The following TRIO variants were observed in gnomAD, a reference collection of about 807,000 sequenced individuals.
TRIO encodes trio Rho guanine nucleotide exchange factor, also known as triple functional domain protein.
A neutral mutation model predicts 351.9 loss-of-function variants in TRIO; 58 were observed. The ratio of observed to expected loss-of-function variants is 0.16; its 90% CI spans 0.13 to 0.21. The LOEUF (loss-of-function observed/expected upper bound fraction) is 0.21. TRIO is among the 10% of genes least tolerant of loss of function. TRIO has a pLI of 1.00. For missense variants in TRIO, 3,201 were observed against 4,027.8 expected, an observed-to-expected ratio of 0.79 and a Z score of 5.56; for synonymous variants, 1,758 against 1,595.7, an observed-to-expected ratio of 1.10 and a Z score of -2.42.
intron 32 of TRIO, 84 bp downstream of exon 32, chr5:14,406,074 T>C (rs972248782): frequency 7.4e-5 from 113 of 1,533,610 alleles, no homozygotes; most frequent in Non-Finnish European, 9.8e-5. Context: ...TCAAAAATCC[T>C]TTCTCTCAAA....
chr5:14,407,342 G>A lies in TRIO; in HGVS notation c.4959+670G>A, dbSNP rs74880279. 2.8e-4 allele frequency among the ~76,000 whole-genome samples: 43 copies of A among 152,270 alleles called. No homozygotes were observed. In the East Asian group the frequency reaches 7.7e-3, roughly 27 times the overall value. On this transcript the variant is annotated intron_variant, in intron 33 of 56. Transcript: ENST00000344204. ...CCACATGAGGTGCGAGTGTCAGCAG[G>A]GCCAGTTAAGCAGGTCTTATATGGC...
At chr5:14,481,200 C>T (rs1238618529) in intron 43 of TRIO, 34 bp from the exon 44 acceptor site, 1 of 1,591,504 alleles carries the variant, frequency 6.3e-7, no homozygotes, top group Non-Finnish European at 8.5e-7. Context: ...TTGTCTTTGT[C>T]ACCATTATCA....
At chr5:14,378,825 G>C (rs1266736656) in intron 20 of TRIO, among the ~76,000 whole-genome samples, 1 of 152,102 alleles carries the variant, frequency 6.6e-6, no homozygotes, top group Non-Finnish European at 1.5e-5. Flanking sequence ...CTCCCAAAGT[G>C]CTGGGATTAC....
intron 34 of TRIO, among the ~76,000 whole-genome samples, chr5:14,437,697 C>CCA (rs1554078781): frequency 1.5e-4 from 22 of 147,980 alleles, no homozygotes; most frequent in African/African-American, 5.7e-4. Flanking sequence ...CCCCCCCCGC[C>CCA]CCAAGGACCT....
chr5:14,278,351 G>A (rs191403236), intron 2 of TRIO, among the ~76,000 whole-genome samples: 1 of 152,334 alleles, frequency 6.6e-6, no homozygotes, highest in Admixed American at 6.5e-5. Flanking sequence ...CCGTGGTGGA[G>A]CATGCCTTGC....
intron 1 of TRIO, among the ~76,000 whole-genome samples, chr5:14,200,565 G>A (rs1217631260): frequency 2.6e-5 from 4 of 152,156 alleles, no homozygotes; most frequent in African/African-American, 9.7e-5. Flanking sequence ...TAAATGGATC[G>A]GGTTTAGCAT....
intron 1 of TRIO, among the ~76,000 whole-genome samples, chr5:14,178,158 G>A (rs16903259): frequency 1.3e-5 from 2 of 151,978 alleles, no homozygotes; most frequent in East Asian, 1.9e-4. Context: ...GATTCCATTC[G>A]GCCTTTATTA....
chr5:14,460,724 A>G (rs1349650156), intron 34 of TRIO, among the ~76,000 whole-genome samples: 1 of 152,224 alleles, frequency 6.6e-6, no homozygotes, highest in Non-Finnish European at 1.5e-5. Context: ...GATGAATGAC[A>G]TCTTAAATCT....
chr5:14,437,683 A>ACCCCCCCCCCCCCCC (rs976372019), intron 34 of TRIO, among the ~76,000 whole-genome samples: 3 of 108,334 alleles, frequency 2.8e-5, no homozygotes, highest in Admixed American at 2.0e-4. Flanking sequence ...TTGGATGAGG[A>ACCCCCCCCCCCCCCC]CCACCCCCCC....
At chr5:14,379,803 G>T (rs1745904238) in intron 20 of TRIO, among the ~76,000 whole-genome samples, 1 of 152,224 alleles carries the variant, frequency 6.6e-6, no homozygotes, top group African/African-American at 2.4e-5. Context: ...ATAAAATCCT[G>T]AAGTGCGTGC....
At chr5:14,343,341 T>C (rs896488687) in intron 11 of TRIO, among the ~76,000 whole-genome samples, 9 of 152,240 alleles carry the variant, frequency 5.9e-5, no homozygotes, top group African/African-American at 1.9e-4. Context: ...ACTTTCAAGA[T>C]ACAGAACCAT....
At chr5:14,367,883 A>G (rs1744740867) in intron 16 of TRIO, among the ~76,000 whole-genome samples, 1 of 152,196 alleles carries the variant, frequency 6.6e-6, no homozygotes, top group African/African-American at 2.4e-5. Flanking sequence ...GATTTCTAGT[A>G]ATTAAATTGC....
intron 34 of TRIO, among the ~76,000 whole-genome samples, chr5:14,444,466 T>A (rs933942879): frequency 6.6e-6 from 1 of 152,210 alleles, no homozygotes; most frequent in African/African-American, 2.4e-5. Context: ...GGATGTGCAG[T>A]ATAGGATAGT....
chr5:14,215,401 C>T (rs1382131469), intron 1 of TRIO, among the ~76,000 whole-genome samples: 1 of 152,182 alleles, frequency 6.6e-6, no homozygotes, highest in Non-Finnish European at 1.5e-5. Flanking sequence ...ATCTGGAAAC[C>T]TATCACAGTT....
At chr5:14,362,235 T>G (rs1438288547) in intron 13 of TRIO, among the ~76,000 whole-genome samples, 1 of 152,248 alleles carries the variant, frequency 6.6e-6, no homozygotes, top group Admixed American at 6.5e-5. Flanking sequence ...TCTTTGGTTA[T>G]GGCTGTGCTA....
chr5:14,392,583 C>T (rs533528839), intron 27 of TRIO, among the ~76,000 whole-genome samples: 58 of 152,346 alleles, frequency 3.8e-4, no homozygotes, highest in African/African-American at 1.3e-3. Context: ...ACTGGGTATA[C>T]ACCCAAAGGA....
chr5:14,402,292 G>A (rs749516856), intron 31 of TRIO, among the ~76,000 whole-genome samples: 24 of 152,342 alleles, frequency 1.6e-4, no homozygotes, highest in Non-Finnish European at 2.2e-4. Context: ...ACTTTAGCCA[G>A]ATCTGGACTT....
Position 14,381,147 on chromosome 5 carries a change from T to C in TRIO, c.3465T>C (p.His1155=). 6.2e-7 allele frequency: 1 copy of C among 1,614,068 alleles called. No individual in the cohort carries two copies. The highest frequency in any genetic ancestry group is 8.5e-7 in the Non-Finnish European group (1 of 1,179,978). The part of the protein sequence containing the change: ...RSAKQALEWI[H]DNGEFYLSTH... ...CCTTCCAGGCTTTGGAATGGATCCATGACAATGGCGAGTTCTACCTTTCCA... is the reference window on the plus strand; with the variant it reads ...CCTTCCAGGCTTTGGAATGGATCCACGACAATGGCGAGTTCTACCTTTCCA... Residue 1155 remains histidine, a synonymous_variant, in exon 21 of 57, where the codon CAT becomes CAC. Transcript: ENST00000344204.
At chr5:14,407,447 A>G (rs1225330222) in intron 33 of TRIO, among the ~76,000 whole-genome samples, 1 of 152,238 alleles carries the variant, frequency 6.6e-6, no homozygotes, top group Non-Finnish European at 1.5e-5. Context: ...GCCTGGGAGA[A>G]GATGCTCCTG....
Sources: allele counts gnomAD v4.1 joint callset (sites outside exome capture counted in the v4.1 genomes callset), GRCh38; gene constraint gnomAD v4.1.1; transcripts MANE v1.5; gene names NCBI Gene and HGNC (gene_info 2026-07-23, HGNC 2026-07-21).